NDUFA10: variants seen among roughly 807,000 people sequenced by gnomAD.
The protein encoded by NDUFA10 is NADH:ubiquinone oxidoreductase subunit A10.
In NDUFA10, 40 loss-of-function variants were observed where a neutral mutation model predicts 47.8. The ratio of observed to expected loss-of-function variants is 0.84; its 90% CI spans 0.65 to 1.09. NDUFA10 has a LOEUF of 1.09. Ranked by LOEUF, NDUFA10 falls within the 50% of genes least tolerant of loss-of-function variation. The pLI is 0.00. For missense variants in NDUFA10, 413 were observed against 451.1 expected (o/e 0.92, Z 0.76); for synonymous variants, 183 against 172.2 (o/e 1.06, Z -0.49).
rs941642749 is a variant in NDUFA10 at position 239,928,054 on chromosome 2, C to T, written c.295-32740G>A. Reference sequence around the variant, plus strand: ...AAAACACCAGTACCCAGGTAAAGAGCGACTGAAGTCAAGAAGGGCCCTCCC... The same window carrying T: ...AAAACACCAGTACCCAGGTAAAGAGTGACTGAAGTCAAGAAGGGCCCTCCC... On this transcript the variant is annotated intron_variant, in intron 4 of 5. Transcript: ENST00000419408. The surrounding 1 kb of genome is among the most constrained non-coding windows in gnomAD (Gnocchi z 4.3). Among the ~76,000 whole-genome samples, 2 of 152,066 alleles carry T rather than the reference C, an allele frequency of 1.3e-5. No individual in the cohort carries two copies. Among genetic ancestry groups the T allele is most frequent in the African/African-American group, 2.4e-5 (1 of 41,376 alleles).
intron 8 of NDUFA10, among the ~76,000 whole-genome samples, chr2:239,992,543 A>C (rs945656999): frequency 1.1e-4 from 17 of 152,148 alleles, no homozygotes; most frequent in African/African-American, 3.9e-4. Context: ...TAGCACTGAA[A>C]TTTCATGTTA....
chr2:239,934,519 A>G (rs1305203157), intron 4 of NDUFA10, among the ~76,000 whole-genome samples: 1 of 152,150 alleles, frequency 6.6e-6, no homozygotes, highest in African/African-American at 2.4e-5. Flanking sequence ...GTACATACTC[A>G]TGATGTTTGG....
In NDUFA10 at chr2:239,942,780, C is replaced by G. The variant is rs182747494; in HGVS notation, c.294+47294G>C. Among the ~76,000 whole-genome samples, 5 of 152,094 alleles carry G rather than the reference C, an allele frequency of 3.3e-5. No individual in the cohort carries two copies. The East Asian group carries it at 7.7e-4, about 24-fold the overall frequency. ...CCTGCCTTTCCATTCTCTTCAAGCCCGAGCAGCTCTGACTGGGTCCTCATA... is the reference window on the plus strand; with the variant it reads ...CCTGCCTTTCCATTCTCTTCAAGCCGGAGCAGCTCTGACTGGGTCCTCATA... On this transcript the variant is annotated intron_variant, in intron 4 of 5. Coordinates refer to the NDUFA10 transcript ENST00000419408.
chr2:240,009,878 G>A (rs561121141), intron 6 of NDUFA10, among the ~76,000 whole-genome samples: 1 of 152,264 alleles, frequency 6.6e-6, no homozygotes, highest in Non-Finnish European at 1.5e-5. Flanking sequence ...ACTAAACAAT[G>A]GTTTAAATAT....
intron 4 of NDUFA10, among the ~76,000 whole-genome samples, chr2:239,931,868 C>T (rs953351761): frequency 7.6e-6 from 1 of 131,956 alleles, no homozygotes; most frequent in African/African-American, 2.9e-5. Context: ...CGGAGTCTCG[C>T]TCTGTGGCCC....
At chr2:239,916,201 C>T (rs918860837) in intron 4 of NDUFA10, among the ~76,000 whole-genome samples, 1 of 151,406 alleles carries the variant, frequency 6.6e-6, no homozygotes, top group Non-Finnish European at 1.5e-5. Context: ...AGAACACACA[C>T]ATACATACAC....
intron 4 of NDUFA10, among the ~76,000 whole-genome samples, chr2:239,918,698 G>A (rs1693918087): frequency 6.6e-6 from 1 of 152,182 alleles, no homozygotes; most frequent in African/African-American, 2.4e-5. Flanking sequence ...GTGTGGGTAG[G>A]GGTGGAGTTG....
At chr2:239,995,764 C>G (rs1476180400) in intron 8 of NDUFA10, among the ~76,000 whole-genome samples, 1 of 152,142 alleles carries the variant, frequency 6.6e-6, no homozygotes, top group Non-Finnish European at 1.5e-5. Flanking sequence ...CATGCCCACA[C>G]TAATTGAAAG....
In NDUFA10 at chr2:240,025,218, C is replaced by G; in HGVS notation, c.75+9G>C. On this transcript the variant is annotated intron_variant, in intron 1 of 9. Coordinates refer to ENST00000252711, the MANE Select transcript of NDUFA10 (RefSeq NM_004544.4). ...ACCCCGCCACCCTGCCACCCCGCCG[C>G]CCGCTCACCACGCGCTGGGCGCCCG... The G allele has an allele frequency of 1.3e-6, 2 of 1,487,880 alleles. No individual in the cohort carries two copies. Among genetic ancestry groups the G allele is most frequent in the Non-Finnish European group, 1.8e-6 (2 of 1,125,642 alleles). 92.2% of individuals were successfully genotyped at this position (1,487,880 alleles called of 1,614,324 possible).
intron 1 of NDUFA10, among the ~76,000 whole-genome samples, chr2:240,023,132 C>T (rs976040507): frequency 6.6e-6 from 1 of 152,164 alleles, no homozygotes; most frequent in African/African-American, 2.4e-5. Context: ...TTACTCTCCA[C>T]ACTAAAGTGG....
intron 9 of NDUFA10, chr2:239,983,374 C>T (rs1695862762): frequency 7.4e-7 from 1 of 1,349,352 alleles, no homozygotes; most frequent in African/African-American, 1.5e-5. Context: ...CTGCTGATGT[C>T]TCTGATGGAC....
intron 4 of NDUFA10, among the ~76,000 whole-genome samples, chr2:239,926,091 T>TA (rs146094237): frequency 0.025 from 3,870 of 152,280 alleles, 149 homozygotes; most frequent in African/African-American, 0.089. Context: ...GAGTCTCTGA[T>TA]AAAAAATTAA....
At chr2:239,919,286 C>G (rs1292318350) in intron 4 of NDUFA10, among the ~76,000 whole-genome samples, 1 of 152,192 alleles carries the variant, frequency 6.6e-6, no homozygotes, top group Non-Finnish European at 1.5e-5. Flanking sequence ...CCTGGTTTGT[C>G]TCATGCCCCC....
intron 4 of NDUFA10, among the ~76,000 whole-genome samples, chr2:239,946,539 C>G (rs1694456729): frequency 6.6e-6 from 1 of 152,234 alleles, no homozygotes; most frequent in Non-Finnish European, 1.5e-5. Flanking sequence ...ACAAACACCC[C>G]CACACCGTTC....
At chr2:239,948,414 G>A (rs1254442179) in intron 4 of NDUFA10, among the ~76,000 whole-genome samples, 1 of 152,354 alleles carries the variant, frequency 6.6e-6, no homozygotes, top group African/African-American at 2.4e-5. Context: ...CACAGCCTCC[G>A]CTCCATGAGT....
At chr2:240,009,187 T>C (rs1422936045) in intron 6 of NDUFA10, among the ~76,000 whole-genome samples, 1 of 152,186 alleles carries the variant, frequency 6.6e-6, no homozygotes. Context: ...TAAAGACAGT[T>C]ACAAAACTCG....
chr2:239,999,450 G>A (rs1696617337), intron 8 of NDUFA10, among the ~76,000 whole-genome samples: 1 of 152,168 alleles, frequency 6.6e-6, no homozygotes. Flanking sequence ...GTGGATGATT[G>A]TTCTGCTGGT....
intron 1 of NDUFA10, among the ~76,000 whole-genome samples, chr2:240,024,083 A>C (rs1697753903): frequency 6.6e-6 from 1 of 152,274 alleles, no homozygotes; most frequent in South Asian, 2.1e-4. Context: ...GCAGCTTCTT[A>C]GAAAACTAGT....
In NDUFA10 at chr2:239,959,092, C is replaced by G. The variant is rs1383852930; in HGVS notation, c.*2026G>C. 5 of 985,360 alleles carry G rather than the reference C, an allele frequency of 5.1e-6. No individual in the cohort carries two copies. The highest frequency in any genetic ancestry group is 4.8e-6 in the Non-Finnish European group (4 of 829,952). The allele number at this position is 985,360 out of a possible 1,614,324, so 61.0% of individuals were successfully genotyped here. ...TATTCATCTTTCTCTGCTGAACATG[C>G]ATGTCATTGAAAACACCAGAAAATC... On this transcript the variant is annotated 3_prime_UTR_variant, in exon 10 of 10. Transcript: ENST00000252711.
Sources: allele counts gnomAD v4.1 joint callset (sites outside exome capture counted in the v4.1 genomes callset), GRCh38; gene constraint gnomAD v4.1.1; non-coding constraint Gnocchi (gnomAD v3.1); transcripts MANE v1.5; gene names NCBI Gene and HGNC (gene_info 2026-07-23, HGNC 2026-07-21).